Variants in CARMIL1 observed in about 807,000 individuals in gnomAD.
The protein encoded by CARMIL1 is F-actin-uncapping protein LRRC16A.
Under a neutral mutation model 177.1 loss-of-function variants are expected in CARMIL1, and 90 were observed. That is an observed-to-expected ratio of 0.51 (90% confidence interval 0.43 to 0.61). The LOEUF (loss-of-function observed/expected upper bound fraction) is 0.61, where lower values mean the gene tolerates loss of function less well. Among genes scored for constraint, CARMIL1 ranks in the 20% least tolerant of loss-of-function variants. The pLI, the probability that CARMIL1 is intolerant of heterozygous loss-of-function variation, is 0.00. For missense variants in CARMIL1, 1,380 were observed against 1,667.0 expected (o/e 0.83, Z 3.00); for synonymous variants, 577 against 606.2 (o/e 0.95, Z 0.71).
intron 8 of CARMIL1, chr6:25,452,211 C>T: frequency 1.3e-6 from 1 of 764,442 alleles, no homozygotes; most frequent in Non-Finnish European, 2.4e-6. Context: ...CCTAAAGCCT[C>T]CAGTTCTCAG....
rs368089229 is a variant in CARMIL1 at position 25,452,009 on chromosome 6, T to A, written c.614+1298T>A. ...TTGCCCCCCCCTCCCCCCCCCAGAA[T>A]ACTGTTTTGAATTATTTTTCCACCT... On this transcript the variant is annotated intron_variant, in intron 8 of 36. Transcript: ENST00000329474. 4.3e-3 allele frequency: 245 copies of A among 57,472 alleles called. 1 individual carries two copies. The highest frequency in any genetic ancestry group is 7.3e-3 in the Non-Finnish European group (180 of 24,690). The allele number at this position is 57,472 out of a possible 1,614,324, so 3.6% of individuals were successfully genotyped here. A position where few individuals can be genotyped will look rare whatever the true frequency, so the allele number is the denominator to read the frequency against.
chr6:25,291,215 TGTC>T (rs1308603238), intron 2 of CARMIL1, among the ~76,000 whole-genome samples: 14 of 152,168 alleles, frequency 9.2e-5, no homozygotes, highest in Admixed American at 2.0e-4. Flanking sequence ...CTTAAAAAAA[TGTC>T]GAAAGGCATA....
intron 2 of CARMIL1, among the ~76,000 whole-genome samples, chr6:25,329,766 G>T (rs1785438227): frequency 6.6e-6 from 1 of 152,076 alleles, no homozygotes; most frequent in Admixed American, 6.5e-5. Context: ...CTCAGCTCTT[G>T]TTGTATGTGT....
At position 25,490,746 on chromosome 6, in the gene CARMIL1, TAAATAAA is replaced by T. The variant is rs1190785690; in HGVS notation, c.1066-982_1066-976del. On this transcript the variant is annotated intron_variant, in intron 13 of 36. Transcript: ENST00000329474. ...ATAAATAAATAAATAAATAAATAAA[TAAATAAA>T]AAAAAATAAATGTCATTCTGTGTGT... is the stretch of plus-strand genomic sequence containing the variant. Among the ~76,000 whole-genome samples the T allele has an allele frequency of 3.6e-3, 310 of 86,838 alleles. 2 individuals carry two copies. The highest frequency in any genetic ancestry group is 0.012 in the East Asian group (39 of 3,130). The allele number at this position is 86,838 out of a possible 152,430, so 57.0% of individuals were successfully genotyped here. A position where few individuals can be genotyped will look rare whatever the true frequency, so the allele number is the denominator to read the frequency against.
intron 2 of CARMIL1, among the ~76,000 whole-genome samples, chr6:25,319,800 G>A (rs1212042103): frequency 4.0e-5 from 5 of 125,188 alleles, no homozygotes; most frequent in Non-Finnish European, 7.9e-5. Flanking sequence ...ACAGAGTCTC[G>A]CTCTGTCACC....
intron 2 of CARMIL1, among the ~76,000 whole-genome samples, chr6:25,327,597 G>A (rs554439624): frequency 1.4e-3 from 214 of 152,266 alleles, no homozygotes; most frequent in African/African-American, 4.8e-3. Flanking sequence ...GTCTGAATGA[G>A]CATTTTGTAG....
At chr6:25,549,889 T>C (rs928614950) in intron 26 of CARMIL1, among the ~76,000 whole-genome samples, 7 of 152,246 alleles carry the variant, frequency 4.6e-5, no homozygotes, top group African/African-American at 1.7e-4. Flanking sequence ...ATCTGTGATA[T>C]ACTGAGCTCT....
rs1394685736 is a variant in CARMIL1 at position 25,543,779 on chromosome 6, G to A, written c.2328+3701G>A. On this transcript the variant is annotated intron_variant, in intron 26 of 36. Coordinates refer to ENST00000329474, the MANE Select transcript of CARMIL1 (RefSeq NM_017640.6). ...CTTTCTAGACTTTATATTTTCCAAA[G>A]CAAAAGAAAGGAAGATTTCAGGGCA... is the stretch of plus-strand genomic sequence containing the variant. 2.0e-5 allele frequency among the ~76,000 whole-genome samples: 3 copies of A among 152,110 alleles called. No homozygotes were observed. The East Asian group carries it at 5.8e-4, about 29-fold the overall frequency.
At position 25,613,993 on chromosome 6, in the gene CARMIL1, T is replaced by G. The variant is rs541332075; in HGVS notation, c.3979+3812T>G. Among the ~76,000 whole-genome samples, 14 of 152,336 alleles carry G rather than the reference T, an allele frequency of 9.2e-5. No individual in the cohort carries two copies. In the South Asian group the frequency reaches 2.7e-3, roughly 29 times the overall value. On this transcript the variant is annotated intron_variant, in intron 36 of 36. Coordinates refer to ENST00000329474, the MANE Select transcript of CARMIL1 (RefSeq NM_017640.6). ...CTCTTTATTGCAAAGGGATAAGCCA[T>G]TCTTGAATTTTCACACTTTACTATT...
At chr6:25,494,999 T>C in intron 15 of CARMIL1, 112 bp from the exon 16 acceptor site, 2 of 637,140 alleles carry the variant, frequency 3.1e-6, no homozygotes, top group Non-Finnish European at 5.4e-6. Context: ...CCATTTACTT[T>C]TAAATTTCTG....
At chr6:25,372,336 G>A (rs1382399200) in intron 2 of CARMIL1, among the ~76,000 whole-genome samples, 3 of 152,052 alleles carry the variant, frequency 2.0e-5, no homozygotes, top group Non-Finnish European at 2.9e-5. Flanking sequence ...GCTTTGGGTA[G>A]TATGGCCATT....
At chr6:25,418,521 T>A (rs1445768729) in intron 2 of CARMIL1, among the ~76,000 whole-genome samples, 2 of 150,198 alleles carry the variant, frequency 1.3e-5, no homozygotes, top group Non-Finnish European at 3.0e-5. Flanking sequence ...TTGTCCCATT[T>A]CCTTGCCCCC....
intron 3 of CARMIL1, among the ~76,000 whole-genome samples, chr6:25,422,641 G>T (rs1243797114): frequency 6.6e-6 from 1 of 152,136 alleles, no homozygotes; most frequent in East Asian, 1.9e-4. Flanking sequence ...ATACCTGAAG[G>T]CATGATATGA....
chr6:25,492,415 C>G (rs1803330223), intron 15 of CARMIL1, among the ~76,000 whole-genome samples: 1 of 152,174 alleles, frequency 6.6e-6, no homozygotes, highest in Admixed American at 6.5e-5. Flanking sequence ...TGCATTTTCA[C>G]TTGTAGAAGT....
chr6:25,517,462 A>G (rs1582218072), intron 22 of CARMIL1, 47 bp downstream of exon 22: 1 of 1,451,618 alleles, frequency 6.9e-7, no homozygotes, highest in African/African-American at 1.4e-5. Context: ...AAAAACAAAA[A>G]CCAATGGTAT....
At chr6:25,384,313 C>G (rs1791923246) in intron 2 of CARMIL1, among the ~76,000 whole-genome samples, 1 of 152,208 alleles carries the variant, frequency 6.6e-6, no homozygotes, top group Non-Finnish European at 1.5e-5. Flanking sequence ...TTGGTTTTGC[C>G]AGCGTTGATG....
At chr6:25,379,723 G>A (rs1562058677) in intron 2 of CARMIL1, among the ~76,000 whole-genome samples, 3 of 152,146 alleles carry the variant, frequency 2.0e-5, no homozygotes, top group Admixed American at 1.3e-4. Flanking sequence ...CTCAGGGGCC[G>A]GGATTGCTAT....
chr6:25,616,519 A>G (rs781276464), intron 36 of CARMIL1, among the ~76,000 whole-genome samples: 5 of 152,344 alleles, frequency 3.3e-5, no homozygotes, highest in South Asian at 2.1e-4. Context: ...GGCTACAGTG[A>G]GCTATGACTG....
chr6:25,337,248 C>A (rs1983578), intron 2 of CARMIL1, among the ~76,000 whole-genome samples: 72,486 of 152,032 alleles, frequency 0.48, 18,052 homozygotes, highest in African/African-American at 0.61. Flanking sequence ...GTATCTGTTC[C>A]AAATTCAAAT....
Sources: allele counts gnomAD v4.1 joint callset (sites outside exome capture counted in the v4.1 genomes callset), GRCh38; gene constraint gnomAD v4.1.1; transcripts MANE v1.5; gene names NCBI Gene and HGNC (gene_info 2026-07-23, HGNC 2026-07-21).